The following PACSIN1 variants were observed in gnomAD, a reference collection of about 807,000 sequenced individuals.
PACSIN1 encodes the protein protein kinase C and casein kinase substrate in neurons 1.
PACSIN1 carries 15 observed loss-of-function variants against 59.5 expected under a neutral mutation model. That is an observed-to-expected ratio of 0.25 (90% CI 0.17 to 0.39). The LOEUF (loss-of-function observed/expected upper bound fraction) is 0.39, where lower values mean the gene tolerates loss of function less well. Among genes scored for constraint, PACSIN1 ranks in the 10% least tolerant of loss-of-function variants. The pLI is 1.00. For synonymous variants in PACSIN1, 210 were observed against 220.6 expected (o/e 0.95, Z 0.42); for missense variants, 420 against 580.2 (o/e 0.72, Z 2.84).
intron 1 of PACSIN1, among the ~76,000 whole-genome samples, chr6:34,524,421 G>T (rs1441387179): frequency 6.6e-6 from 1 of 152,100 alleles, no homozygotes; most frequent in Admixed American, 6.5e-5. Context: ...CTCTCCCCCT[G>T]CGTCCCCTGG....
chr6:34,526,193 G>A, intron 1 of PACSIN1, 50 bp from the exon 2 acceptor site: 3 of 857,304 alleles, frequency 3.5e-6, no homozygotes, highest in Non-Finnish European at 3.7e-6. Context: ...TGGGGCAAAG[G>A]GTGGAAGGCC....
At chr6:34,482,945 CCAAAGTGCTGGGATTA>C (rs1350163957) in intron 1 of PACSIN1, among the ~76,000 whole-genome samples, 1 of 151,610 alleles carries the variant, frequency 6.6e-6, no homozygotes, top group African/African-American at 2.4e-5. Context: ...CTTTGGCTTC[CCAAAGTGCTGGGATTA>C]CAGATGTTAG....
At chr6:34,497,315 T>C (rs1369979942) in intron 1 of PACSIN1, among the ~76,000 whole-genome samples, 4 of 152,166 alleles carry the variant, frequency 2.6e-5, no homozygotes, top group African/African-American at 9.7e-5. Flanking sequence ...ACTGACATTA[T>C]TGAGTGCTTC....
At chr6:34,503,559 G>C (rs1767060045) in intron 1 of PACSIN1, among the ~76,000 whole-genome samples, 1 of 152,106 alleles carries the variant, frequency 6.6e-6, no homozygotes, top group Non-Finnish European at 1.5e-5. Context: ...GAGTACCCTT[G>C]CCCTATTTAA....
chr6:34,503,867 T>A (rs903434903), intron 1 of PACSIN1, among the ~76,000 whole-genome samples: 1 of 152,212 alleles, frequency 6.6e-6, no homozygotes, highest in African/African-American at 2.4e-5. Flanking sequence ...AGAAAATATT[T>A]CCAGTGCCCC....
intron 1 of PACSIN1, among the ~76,000 whole-genome samples, chr6:34,467,638 A>C (rs1271222068): frequency 5.6e-5 from 8 of 141,878 alleles, no homozygotes; most frequent in Non-Finnish European, 9.0e-5. Flanking sequence ...AGCTCACCGC[A>C]ACCTCTGCCT....
At chr6:34,479,792 A>C (rs1766689711) in intron 1 of PACSIN1, among the ~76,000 whole-genome samples, 1 of 149,886 alleles carries the variant, frequency 6.7e-6, no homozygotes, top group Admixed American at 6.7e-5. Context: ...GTATTCATTA[A>C]AGTCTGTTGT....
intron 1 of PACSIN1, among the ~76,000 whole-genome samples, chr6:34,498,910 C>T (rs9380442): frequency 0.35 from 52,374 of 151,396 alleles, 10,829 homozygotes; most frequent in Middle Eastern, 0.51. Context: ...TTTTTGGCAC[C>T]GGGGACTGGT....
chr6:34,501,495 T>C (rs921945180), intron 1 of PACSIN1, among the ~76,000 whole-genome samples: 11 of 152,204 alleles, frequency 7.2e-5, no homozygotes, highest in Non-Finnish European at 1.3e-4. Context: ...CCCGGGCTTG[T>C]TGAAGAAGCC....
At chr6:34,480,830 A>G (rs1345866334) in intron 1 of PACSIN1, among the ~76,000 whole-genome samples, 1 of 152,178 alleles carries the variant, frequency 6.6e-6, no homozygotes, top group Non-Finnish European at 1.5e-5. Context: ...GCTTGTACCA[A>G]ATCATACCTG....
At position 34,531,699 on chromosome 6, in the gene PACSIN1, C is replaced by A. The variant is rs144753141; in HGVS notation, c.1137C>A (p.Asn379Lys). ...FGGSETNGGA[N>K]PFEDDSKGVR... is the part of the protein sequence containing the mutation. ...GCAGTGAGACCAACGGGGGCGCCAA[C>A]CCCTTTGAGGACGACTCCAAGGGAG... Residue 379 changes from asparagine to lysine, a missense_variant, in exon 9 of 10, where the codon AAC (asparagine) becomes AAA (lysine). Coordinates refer to ENST00000244458, the MANE Select transcript of PACSIN1 (RefSeq NM_020804.5). The surrounding 1 kb of genome is among the most constrained non-coding windows in gnomAD (Gnocchi z 4.4). 17 of 1,613,272 alleles carry A rather than the reference C, an allele frequency of 1.1e-5. No individual in the cohort carries two copies. The highest frequency in any genetic ancestry group is 1.4e-5 in the Non-Finnish European group (17 of 1,179,780).
In PACSIN1 at chr6:34,530,495, G is replaced by A. The variant is rs1372797447; in HGVS notation, c.945G>A (p.Lys315=). ...CAGACCTTCCTCACACCACCACCAA[G>A]AAGGAGAAACAGCCTAAGAAGGCAG... ...WNPDLPHTTT[K]KEKQPKKAEG... Residue 315 remains lysine, a synonymous_variant, in exon 8 of 10, where the codon AAG becomes AAA. Transcript: ENST00000244458. The surrounding 1 kb of genome is among the most constrained non-coding windows in gnomAD (Gnocchi z 4.4). 6 of 1,608,420 alleles carry A rather than the reference G, an allele frequency of 3.7e-6. No homozygotes were observed. The highest frequency in any genetic ancestry group is 5.1e-6 in the Non-Finnish European group (6 of 1,177,552).
At chr6:34,484,331 G>A (rs1195688594) in intron 1 of PACSIN1, among the ~76,000 whole-genome samples, 1 of 152,150 alleles carries the variant, frequency 6.6e-6, no homozygotes, top group Non-Finnish European at 1.5e-5. Flanking sequence ...ATTTTACTAA[G>A]TGAAAGAAGC....
At chr6:34,472,994 T>C (rs1278653995) in intron 1 of PACSIN1, among the ~76,000 whole-genome samples, 1 of 152,204 alleles carries the variant, frequency 6.6e-6, no homozygotes, top group Non-Finnish European at 1.5e-5. Flanking sequence ...TGAAGTTAAG[T>C]GACTTGCCTG....
intron 1 of PACSIN1, among the ~76,000 whole-genome samples, chr6:34,467,428 A>G (rs1158887866): frequency 6.6e-6 from 1 of 152,180 alleles, no homozygotes; most frequent in Non-Finnish European, 1.5e-5. Flanking sequence ...GAGTGAATGT[A>G]AACTCTGGGA....
In PACSIN1 at chr6:34,531,570, T is replaced by A. The variant is rs773727333; in HGVS notation, c.1038-30T>A. On this transcript the variant is annotated intron_variant, in intron 8 of 9. Transcript: ENST00000244458. The surrounding 1 kb of genome is among the most constrained non-coding windows in gnomAD (Gnocchi z 4.4). ...CCTCGGGATGCGGTACGGGGAGACA[T>A]TGAAGCTGGCTCCTTCCTCCGCGTC... is the stretch of plus-strand genomic sequence containing the variant. 1 of 1,609,244 alleles carries A rather than the reference T, an allele frequency of 6.2e-7. No homozygotes were observed. Among genetic ancestry groups the A allele is most frequent in the South Asian group, 1.1e-5 (1 of 90,800 alleles).
At chr6:34,472,750 G>T (rs74619332) in intron 1 of PACSIN1, among the ~76,000 whole-genome samples, 1 of 152,136 alleles carries the variant, frequency 6.6e-6, no homozygotes, top group Non-Finnish European at 1.5e-5. Flanking sequence ...GATGGGAAAG[G>T]GGGTAAGGTA....
At chr6:34,528,336 C>G (rs983390427) in intron 3 of PACSIN1, among the ~76,000 whole-genome samples, 2 of 152,206 alleles carry the variant, frequency 1.3e-5, no homozygotes, top group African/African-American at 2.4e-5. Context: ...CAGGCTGCCC[C>G]CCTCCGACCC....
intron 1 of PACSIN1, among the ~76,000 whole-genome samples, chr6:34,508,006 A>G (rs1767139639): frequency 6.6e-6 from 1 of 152,250 alleles, no homozygotes. Context: ...TGCTGCGATG[A>G]ACACAGGAGT....
Sources: allele counts gnomAD v4.1 joint callset (sites outside exome capture counted in the v4.1 genomes callset), GRCh38; gene constraint gnomAD v4.1.1; non-coding constraint Gnocchi (gnomAD v3.1); transcripts MANE v1.5; gene names NCBI Gene and HGNC (gene_info 2026-07-23, HGNC 2026-07-21).